The following ARID1A variants were observed in gnomAD, a reference collection of about 807,000 sequenced individuals.
The protein encoded by ARID1A is AT-rich interactive domain-containing protein 1A.
ARID1A carries 20 observed loss-of-function variants against 212.6 expected under a neutral mutation model. The ratio of observed to expected loss-of-function variants is 0.09; its 90% confidence interval spans 0.07 to 0.14. The LOEUF is 0.14. ARID1A is among the 10% of genes least tolerant of loss of function. The probability of loss-of-function intolerance (pLI) is 1.00; values close to 1 mark genes in which losing one functional copy is unlikely to be tolerated. For synonymous variants in ARID1A, 1,376 were observed against 1,222.1 expected (o/e 1.13, Z -2.63); for missense variants, 2,587 against 3,059.0 (o/e 0.85, Z 3.64).
In ARID1A at chr1:26,774,157, GA is replaced by G. The variant is rs2081112050; in HGVS notation, c.4102-171del. On this transcript the variant is annotated intron_variant, in intron 17 of 19. Transcript: ENST00000324856. The surrounding 1 kb of genome is among the most constrained non-coding windows in gnomAD (Gnocchi z 5.6). ...TACTTAAGCAAGGGAAGGGAAGAAA[GA>G]GTGGTGGTTGCTTTTGGAAACAACT... The G allele has an allele frequency of 1.5e-6, 2 of 1,295,270 alleles. No homozygotes were observed. The highest frequency in any genetic ancestry group is 5.2e-5 in the East Asian group (2 of 38,576). 80.2% of individuals were successfully genotyped at this position (1,295,270 alleles called of 1,614,324 possible).
intron 4 of ARID1A, among the ~76,000 whole-genome samples, chr1:26,757,929 C>T (rs1210530067): frequency 2.0e-5 from 3 of 152,128 alleles, no homozygotes; most frequent in African/African-American, 7.2e-5. Flanking sequence ...TGAGCTACTG[C>T]GCCTGGCCAA....
At chr1:26,775,358 G>A in intron 18 of ARID1A, 138 bp downstream of exon 18, 1 of 1,425,564 alleles carries the variant, frequency 7.0e-7, no homozygotes, top group Non-Finnish European at 9.2e-7. Context: ...TTTGGAAAAG[G>A]AAGAAATAAG....
chr1:26,749,575 C>G (rs1297169236), intron 4 of ARID1A, among the ~76,000 whole-genome samples: 1 of 152,176 alleles, frequency 6.6e-6, no homozygotes, highest in African/African-American at 2.4e-5. Context: ...TTCTCCCCAC[C>G]TTTTTACCTC....
Position 26,761,421 on chromosome 1 carries a change from G to A in ARID1A, c.2199G>A (p.Ser733=), listed in dbSNP as rs148730647. The A allele has an allele frequency of 2.4e-5, 39 of 1,614,204 alleles. No homozygotes were observed. In the East Asian group the frequency reaches 3.1e-4, roughly 13 times the overall value. Reference sequence around the variant, plus strand: ...CACCTCGGCCACCCAGTGGCCAGTCGGACAGCATCATGCATCCTTCCATGA... The same window carrying A: ...CACCTCGGCCACCCAGTGGCCAGTCAGACAGCATCATGCATCCTTCCATGA... The part of the protein sequence containing the change: ...QMPPRPPSGQ[S]DSIMHPSMNQ... The change falls in exon 6 of 20, where the codon TCG becomes TCA. Residue 733 remains serine, a synonymous_variant. Coordinates refer to ENST00000324856, the MANE Select transcript of ARID1A (RefSeq NM_006015.6).
Position 26,779,543 on chromosome 1 carries a change from T to G in ARID1A, c.5645T>G (p.Val1882Gly), listed in dbSNP as rs2124141338. 1 of 1,613,984 alleles carries G rather than the reference T, an allele frequency of 6.2e-7. No individual in the cohort carries two copies. The highest frequency in any genetic ancestry group is 1.1e-5 in the South Asian group (1 of 91,060). Residue 1882 changes from valine (V) to glycine (G), a missense_variant, in exon 20 of 20, where the codon GTG (valine) becomes GGG (glycine). By Grantham distance (109) the Val-to-Gly change is moderately radical. Transcript: ENST00000324856. ...APCPPAPRKH[V>G]TTAEGTPGTT... ...TGCCCACCAGCCCCTCGGAAGCATGTGACAACAGCAGAGGGTACACCAGGG... is the reference window on the plus strand; with the variant it reads ...TGCCCACCAGCCCCTCGGAAGCATGGGACAACAGCAGAGGGTACACCAGGG...
intron 1 of ARID1A, chr1:26,728,845 A>G (rs1156754634): frequency 6.6e-6 from 1 of 152,210 alleles, no homozygotes; most frequent in African/African-American, 2.4e-5. Flanking sequence ...CAAAAAGTGA[A>G]TGAGCTGGTT....
intron 4 of ARID1A, among the ~76,000 whole-genome samples, chr1:26,748,235 AG>A (rs2080854911): frequency 6.6e-6 from 1 of 152,140 alleles, no homozygotes; most frequent in Non-Finnish European, 1.5e-5. Flanking sequence ...TGTAATTCTG[AG>A]GGGCAACCAG....
At chr1:26,712,411 G>A (rs1345230984) in intron 1 of ARID1A, among the ~76,000 whole-genome samples, 1 of 152,060 alleles carries the variant, frequency 6.6e-6, no homozygotes, top group African/African-American at 2.4e-5. Context: ...TAGGCCGAGA[G>A]CAGTGGCTCA....
chr1:26,756,935 C>A (rs375082418), intron 4 of ARID1A, among the ~76,000 whole-genome samples: 2 of 152,044 alleles, frequency 1.3e-5, no homozygotes, highest in African/African-American at 4.8e-5. Flanking sequence ...ATTTGCTGAC[C>A]TTGTGATCCG....
chr1:26,749,350 T>C (rs1475259416), intron 4 of ARID1A, among the ~76,000 whole-genome samples: 1 of 151,992 alleles, frequency 6.6e-6, no homozygotes, highest in Admixed American at 6.6e-5. Context: ...CCAGTTCTCA[T>C]TGTGTTTGGT....
chr1:26,760,171 T>G (rs1461032629), intron 4 of ARID1A, among the ~76,000 whole-genome samples: 1 of 152,216 alleles, frequency 6.6e-6, no homozygotes, highest in Non-Finnish European at 1.5e-5. Flanking sequence ...CTTATGACTG[T>G]AGAAGTTATG....
chr1:26,697,162 C>G lies in ARID1A; in HGVS notation c.759C>G (p.Pro253=), dbSNP rs747694475. 330 of 1,440,810 alleles carry G rather than the reference C, an allele frequency of 2.3e-4. 1 individual carries two copies. Among genetic ancestry groups the G allele is most frequent in the South Asian group, 1.3e-3 (89 of 68,464 alleles). The allele number at this position is 1,440,810 out of a possible 1,614,324, so 89.3% of individuals were successfully genotyped here. A position where few individuals can be genotyped will look rare whatever the true frequency, so the allele number is the denominator to read the frequency against. ...AAAAAGSKPP[P]SSSASASSSS... ...CGGCTGCCGGCTCCAAGCCGCCTCCCTCCTCCAGCGCCTCCGCCTCCTCGT... is the reference window on the plus strand; with the variant it reads ...CGGCTGCCGGCTCCAAGCCGCCTCCGTCCTCCAGCGCCTCCGCCTCCTCGT... The change falls in exon 1 of 20, where the codon CCC becomes CCG. Residue 253 remains proline, a synonymous_variant. Coordinates refer to ENST00000324856, the MANE Select transcript of ARID1A (RefSeq NM_006015.6).
Position 26,781,285 on chromosome 1 carries a change from A to G in ARID1A, c.*529A>G. 1 of 235,708 alleles carries G rather than the reference A, an allele frequency of 4.2e-6. No homozygotes were observed. The highest frequency in any genetic ancestry group is 6.0e-5 in the East Asian group (1 of 16,628). The allele number at this position is 235,708 out of a possible 1,614,324, so 14.6% of individuals were successfully genotyped here. A position where few individuals can be genotyped will look rare whatever the true frequency, so the allele number is the denominator to read the frequency against. On this transcript the variant is annotated 3_prime_UTR_variant, in exon 20 of 20. Coordinates refer to ENST00000324856, the MANE Select transcript of ARID1A (RefSeq NM_006015.6). The stretch of plus-strand genomic sequence containing the variant: ...AGCCAAGAAGTTCGCAGTTGTGAAC[A>G]GACCCTGTTCACTGGAGAGGCCTGT...
rs2124116773 is a variant in ARID1A at position 26,774,308 on chromosome 1, C to A, written c.4102-21C>A. On this transcript the variant is annotated intron_variant, in intron 17 of 19. Coordinates refer to ENST00000324856, the MANE Select transcript of ARID1A (RefSeq NM_006015.6). The surrounding 1 kb of genome is among the most constrained non-coding windows in gnomAD (Gnocchi z 5.6). ...CCTGAGTGCAGAGTATTAACTTCCC[C>A]TCTGCTTGTCTCTGCCTTAGAATTA... is the stretch of plus-strand genomic sequence containing the variant. The A allele has an allele frequency of 6.6e-7, 1 of 1,522,394 alleles. No homozygotes were observed. 94.3% of individuals were successfully genotyped at this position (1,522,394 alleles called of 1,614,324 possible). A position where few individuals can be genotyped will look rare whatever the true frequency, so the allele number is the denominator to read the frequency against.
intron 8 of ARID1A, 98 bp downstream of exon 8, chr1:26,763,383 A>T (rs1261473194): frequency 5.9e-6 from 8 of 1,352,320 alleles, no homozygotes; most frequent in Non-Finnish European, 7.9e-6. Context: ...CAGGGGGGGA[A>T]AATGGGTGTG....
At chr1:26,720,434 T>TG (rs1491444857) in intron 1 of ARID1A, among the ~76,000 whole-genome samples, 1 of 150,670 alleles carries the variant, frequency 6.6e-6, no homozygotes, top group Non-Finnish European at 1.5e-5. Context: ...GATGGCGTCA[T>TG]TGCACTCCAG....
At chr1:26,770,702 G>A (rs891328896) in intron 11 of ARID1A, 9 of 174,994 alleles carry the variant, frequency 5.1e-5, no homozygotes, top group South Asian at 1.2e-4. Context: ...AGGTTACAGC[G>A]AGCCAAGATC....
chr1:26,763,310 T>G (rs2081009839), intron 8 of ARID1A, 25 bp downstream of exon 8: 2 of 1,561,722 alleles, frequency 1.3e-6, no homozygotes, highest in Non-Finnish European at 1.7e-6. Flanking sequence ...GCAGAGAGGG[T>G]GTCAGTGCAA....
At chr1:26,759,215 G>T (rs1305108316) in intron 4 of ARID1A, among the ~76,000 whole-genome samples, 3 of 152,034 alleles carry the variant, frequency 2.0e-5, no homozygotes, top group Admixed American at 6.6e-5. Flanking sequence ...TTGTTTGTTT[G>T]TTTTTGAGAT....
Sources: allele counts gnomAD v4.1 joint callset (sites outside exome capture counted in the v4.1 genomes callset), GRCh38; gene constraint gnomAD v4.1.1; non-coding constraint Gnocchi (gnomAD v3.1); transcripts MANE v1.5; gene names NCBI Gene and HGNC (gene_info 2026-07-23, HGNC 2026-07-21).